PCDHGB5: variants seen among roughly 807,000 people sequenced by gnomAD.
PCDHGB5 encodes protocadherin gamma-B5.
PCDHGB5 carries 48 observed loss-of-function variants against 62.9 expected under a neutral mutation model. The ratio of observed to expected loss-of-function variants is 0.76; its 90% CI spans 0.61 to 0.97. The LOEUF is 0.97. Ranked by LOEUF, PCDHGB5 falls within the 50% of genes least tolerant of loss-of-function variation. PCDHGB5 has a pLI of 0.00. For synonymous variants in PCDHGB5, 474 were observed against 511.2 expected (o/e 0.93, Z 0.98); for missense variants, 1,118 against 1,198.6 (o/e 0.93, Z 0.99).
At chr5:141,430,907 A>G (rs776543955) in intron 1 of PCDHGB5, 1 of 1,606,916 alleles carries the variant, frequency 6.2e-7, no homozygotes, top group Non-Finnish European at 8.5e-7. Flanking sequence ...CGACATCTCC[A>G]GGGACCTGGG....
chr5:141,448,329 A>T (rs1166759766), intron 1 of PCDHGB5, among the ~76,000 whole-genome samples: 1 of 152,146 alleles, frequency 6.6e-6, no homozygotes, highest in Non-Finnish European at 1.5e-5. Context: ...TTGAATCTTT[A>T]TAGCCATGTA....
At chr5:141,414,221 C>A in intron 1 of PCDHGB5, 1 of 1,613,126 alleles carries the variant, frequency 6.2e-7, no homozygotes, top group Non-Finnish European at 8.5e-7. Flanking sequence ...GACAACAGTC[C>A]AGAGCTGACC....
In PCDHGB5 at chr5:141,476,087, C is replaced by T. The variant is rs758610836; in HGVS notation, c.2398-18720C>T. The stretch of plus-strand genomic sequence containing the variant: ...AGCGAAATCTCAGGGACGATCTGGA[C>T]CCCGCTGAGAGGAACTGCTTTTGAG... On this transcript the variant is annotated intron_variant, in intron 1 of 3. Coordinates refer to ENST00000617380, the MANE Select transcript of PCDHGB5 (RefSeq NM_018925.3). This position sits in a 1 kb window ranked among gnomAD's most constrained non-coding sequence, Gnocchi z 7.6. 9 of 1,553,656 alleles carry T rather than the reference C, an allele frequency of 5.8e-6. No individual in the cohort carries two copies. The South Asian group carries it at 1.1e-4, about 19-fold the overall frequency.
At chr5:141,423,042 G>A in intron 1 of PCDHGB5, 1 of 1,614,220 alleles carries the variant, frequency 6.2e-7, no homozygotes, top group Non-Finnish European at 8.5e-7. Context: ...ACGCCTGGCT[G>A]TCCTATCGCC....
intron 1 of PCDHGB5, chr5:141,422,819 TGAGA>T (rs766395950): frequency 6.2e-7 from 1 of 1,614,188 alleles, no homozygotes; most frequent in African/African-American, 1.3e-5. Flanking sequence ...GACTTAGAAC[TGAGA>T]GTGATAGCAC....
intron 1 of PCDHGB5, chr5:141,422,152 G>A (rs979405624): frequency 1.3e-5 from 20 of 1,575,764 alleles, no homozygotes; most frequent in Non-Finnish European, 1.5e-5. Flanking sequence ...GGGGTCTCTG[G>A]ATTTTGAAAA....
chr5:141,416,063 A>G (rs546746824), intron 1 of PCDHGB5: 201 of 176,914 alleles, frequency 1.1e-3, no homozygotes, highest in Non-Finnish European at 1.8e-3. Flanking sequence ...ATCCAAGAAT[A>G]CTCAATGCAG....
rs1554136305 is a variant in PCDHGB5, at chr5:141,450,006, CT to C, written c.2398-44783del. Reference sequence around the variant, plus strand: ...CACATTGCATTTAGTTGCCATGTCTCTTTTTTTTTTTTTTTTTTGAGACAGG... The same window carrying C: ...CACATTGCATTTAGTTGCCATGTCTCTTTTTTTTTTTTTTTTTGAGACAGG... On this transcript the variant is annotated intron_variant, in intron 1 of 3. Coordinates refer to ENST00000617380, the MANE Select transcript of PCDHGB5 (RefSeq NM_018925.3). Among the ~76,000 whole-genome samples, 140 of 132,944 alleles carry C rather than the reference CT, an allele frequency of 1.1e-3. 2 individuals are homozygous for C. In the Middle Eastern group the frequency reaches 0.016, roughly 15 times the overall value. 87.2% of individuals were successfully genotyped at this position (132,944 alleles called of 152,430 possible). A position where few individuals can be genotyped will look rare whatever the true frequency, so the allele number is the denominator to read the frequency against.
rs769461165 is a variant in PCDHGB5, at chr5:141,491,293, C to G, written c.2398-3514C>G. 2 of 1,614,048 alleles carry G rather than the reference C, an allele frequency of 1.2e-6. No individual in the cohort carries two copies. Among genetic ancestry groups the G allele is most frequent in the Admixed American group, 3.3e-5 (2 of 60,008 alleles). ...ATCCAGTGACTTCCTCATACACCCT[C>G]CTGAGCGTTCAGACCTTACCCTTTA... On this transcript the variant is annotated intron_variant, in intron 1 of 3. Coordinates refer to ENST00000617380, the MANE Select transcript of PCDHGB5 (RefSeq NM_018925.3). This position sits in a 1 kb window ranked among gnomAD's most constrained non-coding sequence, Gnocchi z 6.9.
At position 141,486,209 on chromosome 5, in the gene PCDHGB5, A is replaced by G. The variant is rs749965379; in HGVS notation, c.2398-8598A>G. 1.2e-6 allele frequency: 2 copies of G among 1,614,080 alleles called. No homozygotes were observed. The highest frequency in any genetic ancestry group is 1.7e-6 in the Non-Finnish European group (2 of 1,179,988). ...AGTGGATCTGCTGGACGTAAATGAC[A>G]ATGCCCCTTACATCACAGTGACCTC... On this transcript the variant is annotated intron_variant, in intron 1 of 3. Transcript: ENST00000617380. The surrounding 1 kb of genome is among the most constrained non-coding windows in gnomAD (Gnocchi z 5.0).
In PCDHGB5 at chr5:141,398,356, G is replaced by A. The variant is rs1242233046; in HGVS notation, c.229G>A (p.Val77Met). ...CAGTTCGGAGAAGCCTTACTTCACCGTGAGCGCAGAGAGCGGGGAGTTGCT... is the reference window on the plus strand; with the variant it reads ...CAGTTCGGAGAAGCCTTACTTCACCATGAGCGCAGAGAGCGGGGAGTTGCT... ...RVSSEKPYFTVSAESGELLVS... is the reference protein window; with the variant it reads ...RVSSEKPYFTMSAESGELLVS... The change falls in exon 1 of 4, where the codon GTG (valine) becomes ATG (methionine). Residue 77 changes from valine to methionine, a missense_variant. By Grantham distance (21) the Val-to-Met change is conservative. Coordinates refer to ENST00000617380, the MANE Select transcript of PCDHGB5 (RefSeq NM_018925.3). 1.4e-6 allele frequency: 2 copies of A among 1,409,378 alleles called. No individual in the cohort carries two copies. The highest frequency in any genetic ancestry group is 1.2e-5 in the South Asian group (1 of 82,594). 87.3% of individuals were successfully genotyped at this position (1,409,378 alleles called of 1,614,324 possible).
rs114492681 is a variant in PCDHGB5, at chr5:141,408,401, C to A, written c.2397+7877C>A. 1.5e-3 allele frequency: 2,364 copies of A among 1,614,010 alleles called. 32 individuals are homozygous for A. The African/African-American group carries it at 0.028, about 19-fold the overall frequency. On this transcript the variant is annotated intron_variant, in intron 1 of 3. Coordinates refer to ENST00000617380, the MANE Select transcript of PCDHGB5 (RefSeq NM_018925.3). ...CCTGGATGTGTCGGCTCGCAAGCTG[C>A]GAGTGAGCGCGGAGAAGCTGCACTT...
rs183968443 is a variant in PCDHGB5 at position 141,495,033 on chromosome 5, G to A, written c.2456+168G>A. On this transcript the variant is annotated intron_variant, in intron 2 of 3. Coordinates refer to ENST00000617380, the MANE Select transcript of PCDHGB5 (RefSeq NM_018925.3). ...GGGGCTGGCACACAGACCCCGGAAG[G>A]AAGAGGCGACTGCCCTGACTGTTCA... is the stretch of plus-strand genomic sequence containing the variant. 1.4e-3 allele frequency: 1,380 copies of A among 968,234 alleles called. 4 individuals are homozygous for A. Among genetic ancestry groups the A allele is most frequent in the Middle Eastern group, 5.3e-3 (10 of 1,888 alleles). 60.0% of individuals were successfully genotyped at this position (968,234 alleles called of 1,614,324 possible).
chr5:141,494,528 G>A lies in PCDHGB5; in HGVS notation c.2398-279G>A, dbSNP rs189993899. On this transcript the variant is annotated intron_variant, in intron 1 of 3. Coordinates refer to ENST00000617380, the MANE Select transcript of PCDHGB5 (RefSeq NM_018925.3). ...ATTTTGGCTCAGGAGTTCTGACTCTGGGGGCAGGGAGGAAGGGGCCATTTC... is the reference window on the plus strand; with the variant it reads ...ATTTTGGCTCAGGAGTTCTGACTCTAGGGGCAGGGAGGAAGGGGCCATTTC... 3.0e-4 allele frequency among the ~76,000 whole-genome samples: 45 copies of A among 152,274 alleles called. 1 individual carries two copies. Among genetic ancestry groups the A allele is most frequent in the African/African-American group, 1.0e-3 (42 of 41,542 alleles).
rs2099416627 is a variant in PCDHGB5 at position 141,477,726 on chromosome 5, C to T, written c.2398-17081C>T. 6.2e-7 allele frequency: 1 copy of T among 1,613,822 alleles called. No homozygotes were observed. The highest frequency in any genetic ancestry group is 8.5e-7 in the Non-Finnish European group (1 of 1,180,020). ...GATCGGCGGGAATTTGAATTAACAG[C>T]TCATATCAGCGATGGGGGCACCCCG... On this transcript the variant is annotated intron_variant, in intron 1 of 3. Coordinates refer to ENST00000617380, the MANE Select transcript of PCDHGB5 (RefSeq NM_018925.3). This position sits in a 1 kb window ranked among gnomAD's most constrained non-coding sequence, Gnocchi z 4.9.
intron 1 of PCDHGB5, chr5:141,421,959 A>G (rs2096614103): frequency 1.9e-6 from 3 of 1,612,798 alleles, no homozygotes; most frequent in East Asian, 2.2e-5. Flanking sequence ...CAATGTTTAC[A>G]CAGTCCGTAT....
intron 1 of PCDHGB5, among the ~76,000 whole-genome samples, chr5:141,425,040 A>G (rs2096853898): frequency 6.6e-6 from 1 of 152,182 alleles, no homozygotes; most frequent in South Asian, 2.1e-4. Flanking sequence ...TTAGTTGTAA[A>G]CTGACTATCT....
rs138463062 is a variant in PCDHGB5 at position 141,485,217 on chromosome 5, C to T, written c.2398-9590C>T. 7,893 of 1,614,092 alleles carry T rather than the reference C, an allele frequency of 4.9e-3. 42 individuals carry two copies. Among genetic ancestry groups the T allele is most frequent in the Admixed American group, 8.8e-3 (531 of 60,030 alleles). On this transcript the variant is annotated intron_variant, in intron 1 of 3. Coordinates refer to ENST00000617380, the MANE Select transcript of PCDHGB5 (RefSeq NM_018925.3). This position sits in a 1 kb window ranked among gnomAD's most constrained non-coding sequence, Gnocchi z 5.7. Reference sequence around the variant, plus strand: ...AGCTGGACAGAAATCTGGCGGTGGGCTACCCTTTTGTTCCTCTTTTACCAC... The same window carrying T: ...AGCTGGACAGAAATCTGGCGGTGGGTTACCCTTTTGTTCCTCTTTTACCAC...
chr5:141,455,856 TTTTATTA>T (rs1315325745), intron 1 of PCDHGB5, among the ~76,000 whole-genome samples: 1 of 146,240 alleles, frequency 6.8e-6, no homozygotes, highest in East Asian at 2.0e-4. Flanking sequence ...AAATAATTTC[TTTTATTA>T]TTTATTTATT....
Sources: allele counts gnomAD v4.1 joint callset (sites outside exome capture counted in the v4.1 genomes callset), GRCh38; gene constraint gnomAD v4.1.1; non-coding constraint Gnocchi (gnomAD v3.1); transcripts MANE v1.5; gene names NCBI Gene and HGNC (gene_info 2026-07-23, HGNC 2026-07-21).